Variants in DNAH7 observed in about 807,000 individuals in gnomAD.
The protein encoded by DNAH7 is axonemal beta dynein heavy chain 7.
Under a neutral mutation model 444.6 loss-of-function variants are expected in DNAH7, and 397 were observed. The ratio of observed to expected loss-of-function variants is 0.89; its 90% confidence interval spans 0.82 to 0.97. The LOEUF (loss-of-function observed/expected upper bound fraction) is 0.97. DNAH7 is among the 50% of genes least tolerant of loss of function. DNAH7 has a pLI of 0.00. For synonymous variants in DNAH7, 1,636 were observed against 1,624.4 expected, an observed-to-expected ratio of 1.01 and a Z score of -0.17; for missense variants, 4,902 against 4,800.8, an observed-to-expected ratio of 1.02 and a Z score of -0.62.
intron 9 of DNAH7, 108 bp from the exon 10 acceptor site, chr2:196,013,014 A>C (rs1189629669): frequency 1.3e-6 from 1 of 759,508 alleles, no homozygotes; most frequent in African/African-American, 1.8e-5. Flanking sequence ...TTTAATCATT[A>C]AAAATTGTGT....
chr2:195,966,943 A>G (rs1403314465), intron 17 of DNAH7, among the ~76,000 whole-genome samples: 2 of 151,964 alleles, frequency 1.3e-5, no homozygotes, highest in African/African-American at 4.8e-5. Flanking sequence ...AAGTTAGTCC[A>G]TTTACATTCA....
chr2:195,790,192 G>GA (rs543032947), intron 57 of DNAH7, among the ~76,000 whole-genome samples: 72 of 152,016 alleles, frequency 4.7e-4, no homozygotes, highest in African/African-American at 1.6e-3. Flanking sequence ...TAAACAAATG[G>GA]AAAAACACTC....
intron 18 of DNAH7, among the ~76,000 whole-genome samples, chr2:195,960,002 C>T (rs1050499731): frequency 6.6e-6 from 1 of 152,114 alleles, no homozygotes; most frequent in Non-Finnish European, 1.5e-5. Context: ...CAGAAGTTAA[C>T]AAACCATTAA....
intron 63 of DNAH7, among the ~76,000 whole-genome samples, chr2:195,746,691 C>G (rs1364515000): frequency 6.6e-6 from 1 of 152,218 alleles, no homozygotes; most frequent in African/African-American, 2.4e-5. Flanking sequence ...GATTAAGAAA[C>G]TCACTCAAAA....
intron 19 of DNAH7, among the ~76,000 whole-genome samples, chr2:195,951,707 G>C (rs1690270282): frequency 6.6e-6 from 1 of 151,814 alleles, no homozygotes; most frequent in Non-Finnish European, 1.5e-5. Context: ...TGTCTCTTTT[G>C]ATCTTTGTTG....
Position 195,991,334 on chromosome 2 carries a change from C to T in DNAH7, c.1354-3105G>A, listed in dbSNP as rs1023049269. On this transcript the variant is annotated intron_variant, in intron 12 of 64. Coordinates refer to ENST00000312428, the MANE Select transcript of DNAH7 (RefSeq NM_018897.3). ...CTCTGCAAGGAATCTTCCTTCAAAT[C>T]CCTCCTTCTCATACAGATAAGTTGT... Among the ~76,000 whole-genome samples the T allele has an allele frequency of 2.7e-5, 4 of 149,250 alleles. No individual in the cohort carries two copies. The Admixed American group carries it at 2.8e-4, about 10-fold the overall frequency.
At chr2:195,859,313 A>C (rs1333695304) in intron 42 of DNAH7, among the ~76,000 whole-genome samples, 8 of 152,188 alleles carry the variant, frequency 5.3e-5, no homozygotes, top group Admixed American at 5.2e-4. Context: ...AAAAAGTAAC[A>C]AATAGAGCAG....
intron 14 of DNAH7, among the ~76,000 whole-genome samples, chr2:195,985,362 G>C (rs1167105649): frequency 1.3e-5 from 2 of 152,274 alleles, no homozygotes; most frequent in African/African-American, 4.8e-5. Context: ...CCTCCAACAT[G>C]TTTGTAACCT....
rs374982651 is a variant in DNAH7, at chr2:195,888,973, A to G, written c.5055T>C (p.Asp1685=). Residue 1685 remains aspartate (D), a synonymous_variant, in exon 32 of 65, where the codon GAT becomes GAC. Transcript: ENST00000312428. ...GGCCATCAAAAATTAACCATTTCCTATCTGGAGTCTGTTTCATGCATATGT... is the reference window on the plus strand; with the variant it reads ...GGCCATCAAAAATTAACCATTTCCTGTCTGGAGTCTGTTTCATGCATATGT... The part of the protein sequence containing the change: ...FRAFASSVTP[D]RKWLIFDGPV... 29 of 1,612,418 alleles carry G rather than the reference A, an allele frequency of 1.8e-5. No homozygotes were observed. The highest frequency in any genetic ancestry group is 2.7e-5 in the African/African-American group (2 of 74,862).
At chr2:195,961,385 C>T (rs1260328571) in intron 17 of DNAH7, among the ~76,000 whole-genome samples, 3 of 152,120 alleles carry the variant, frequency 2.0e-5, no homozygotes, top group Non-Finnish European at 2.9e-5. Flanking sequence ...CAACATCTTC[C>T]CCAATCCCCA....
intron 57 of DNAH7, among the ~76,000 whole-genome samples, chr2:195,789,007 C>T (rs182540700): frequency 2.4e-4 from 36 of 152,204 alleles, no homozygotes; most frequent in Non-Finnish European, 4.9e-4. Context: ...CCTCTAACAC[C>T]CAAACCATGC....
intron 58 of DNAH7, among the ~76,000 whole-genome samples, chr2:195,780,741 ACT>A (rs1695329573): frequency 6.6e-6 from 1 of 151,886 alleles, no homozygotes; most frequent in African/African-American, 2.4e-5. Flanking sequence ...ACAGGGCAAG[ACT>A]CTGTCTCAAA....
chr2:195,955,084 C>T (rs1340475161), intron 19 of DNAH7, among the ~76,000 whole-genome samples: 2 of 152,186 alleles, frequency 1.3e-5, no homozygotes, highest in African/African-American at 4.8e-5. Context: ...GTGTTTTAGA[C>T]ATGAAGTCCT....
At chr2:195,916,453 C>T (rs1392762288) in intron 24 of DNAH7, among the ~76,000 whole-genome samples, 1 of 150,382 alleles carries the variant, frequency 6.6e-6, no homozygotes, top group Admixed American at 6.6e-5. Flanking sequence ...CCACCCCTGC[C>T]CCACCAGGAA....
intron 40 of DNAH7, among the ~76,000 whole-genome samples, chr2:195,868,497 T>G (rs1365709413): frequency 6.6e-6 from 1 of 151,772 alleles, no homozygotes; most frequent in East Asian, 1.9e-4. Flanking sequence ...CATTTGTATA[T>G]CATCTTTGGA....
chr2:195,884,815 T>A lies in DNAH7; in HGVS notation c.5539-6A>T. The A allele has an allele frequency of 1.6e-5, 25 of 1,605,972 alleles. No individual in the cohort carries two copies. The highest frequency in any genetic ancestry group is 2.0e-5 in the Non-Finnish European group (24 of 1,174,668). On this transcript the variant is annotated splice_region_variant and splice_polypyrimidine_tract_variant and intron_variant, in intron 34 of 64. Transcript: ENST00000312428. ...AATGAAAACAGAAAAATGCCCTGCA[T>A]TGGACAGATGAGAAGATTAAGAACA...
At chr2:196,013,673 T>C (rs939103039) in intron 9 of DNAH7, among the ~76,000 whole-genome samples, 4 of 152,226 alleles carry the variant, frequency 2.6e-5, no homozygotes, top group Non-Finnish European at 5.9e-5. Flanking sequence ...ACTCCGTACA[T>C]GACATTGATA....
intron 1 of DNAH7, among the ~76,000 whole-genome samples, 184 bp from the exon 2 acceptor site, chr2:196,058,300 C>G (rs1257814274): frequency 6.6e-6 from 1 of 152,228 alleles, no homozygotes; most frequent in Non-Finnish European, 1.5e-5. Flanking sequence ...AATATTAAAG[C>G]TAGTCAATGA....
chr2:195,974,018 A>G lies in DNAH7; in HGVS notation c.1834-1552T>C, dbSNP rs140621218. ...CTTGAACCCAGGAGGCAGTGGTTGC[A>G]CTGAGCTGAGATCACATCACTGCAC... On this transcript the variant is annotated intron_variant, in intron 15 of 64. Coordinates refer to ENST00000312428, the MANE Select transcript of DNAH7 (RefSeq NM_018897.3). Among the ~76,000 whole-genome samples, 75 of 152,252 alleles carry G rather than the reference A, an allele frequency of 4.9e-4. 1 individual carries two copies. In the East Asian group the frequency reaches 0.015, roughly 29 times the overall value.
Sources: gnomAD v4.1 joint callset for allele counts (sites outside exome capture counted in the v4.1 genomes callset) on GRCh38, gnomAD v4.1.1 for gene constraint, MANE v1.5 for transcripts, NCBI Gene and HGNC (gene_info 2026-07-23, HGNC 2026-07-21) for gene names.